ARHGEF7: variants seen among roughly 807,000 people sequenced by gnomAD.
ARHGEF7 encodes the protein Rho guanine nucleotide exchange factor 7.
In ARHGEF7, 33 loss-of-function variants were observed where a neutral mutation model predicts 109.8. The ratio of observed to expected loss-of-function variants is 0.30; its 90% CI spans 0.23 to 0.40. The LOEUF is 0.40. ARHGEF7 is among the 10% of genes least tolerant of loss of function. The pLI, the probability that ARHGEF7 is intolerant of heterozygous loss-of-function variation, is 1.00. For synonymous variants in ARHGEF7, 458 were observed against 424.6 expected, an observed-to-expected ratio of 1.08 and a Z score of -0.97; for missense variants, 938 against 1,098.5, an observed-to-expected ratio of 0.85 and a Z score of 2.07.
At chr13:111,138,139 C>T (rs1341046700) in intron 1 of ARHGEF7, among the ~76,000 whole-genome samples, 4 of 152,030 alleles carry the variant, frequency 2.6e-5, no homozygotes, top group African/African-American at 7.3e-5. Context: ...CATGGAGAAA[C>T]CCCATCTCTA....
chr13:111,167,710 T>C (rs2077240494), intron 2 of ARHGEF7, among the ~76,000 whole-genome samples: 1 of 152,212 alleles, frequency 6.6e-6, no homozygotes, highest in Admixed American at 6.5e-5. Context: ...CTCTCCCTCC[T>C]AAATACCCTA....
At chr13:111,230,518 C>T (rs553909781) in intron 5 of ARHGEF7, among the ~76,000 whole-genome samples, 229 of 152,318 alleles carry the variant, frequency 1.5e-3, no homozygotes, top group Non-Finnish European at 2.9e-3. Context: ...TTTCTTCTGG[C>T]GTGACCGCCC....
intron 2 of ARHGEF7, among the ~76,000 whole-genome samples, chr13:111,187,788 T>G (rs1448656381): frequency 6.6e-6 from 1 of 152,238 alleles, no homozygotes; most frequent in East Asian, 1.9e-4. Context: ...AGTGTCCTTC[T>G]GTGACCCGTT....
At chr13:111,126,381 T>C (rs375571764) in intron 1 of ARHGEF7, among the ~76,000 whole-genome samples, 15 of 151,978 alleles carry the variant, frequency 9.9e-5, no homozygotes, top group East Asian at 9.7e-4. Context: ...TCCCAGCTAC[T>C]TGGGAGGCTG....
In ARHGEF7 at chr13:111,223,150, T is replaced by TG. The variant is rs545173868; in HGVS notation, c.670+5273dup. On this transcript the variant is annotated intron_variant, in intron 5 of 21. Transcript: ENST00000646102. ...TTCAGACATCCAGTGGGCAGTCTTG[T>TG]GGGTACCCCCGTGGATAAGGGTGGG... Among the ~76,000 whole-genome samples, 330 of 152,364 alleles carry TG rather than the reference T, an allele frequency of 2.2e-3. 1 individual carries two copies. Among genetic ancestry groups the TG allele is most frequent in the African/African-American group, 7.7e-3 (322 of 41,592 alleles).
chr13:111,260,978 A>G (rs1284015657), intron 8 of ARHGEF7, among the ~76,000 whole-genome samples: 1 of 152,212 alleles, frequency 6.6e-6, no homozygotes, highest in African/African-American at 2.4e-5. Flanking sequence ...AAATTAAGAA[A>G]CATACAATAG....
chr13:111,154,005 G>T lies in ARHGEF7; in HGVS notation c.252+14G>T, dbSNP rs375440944. 3 of 1,593,628 alleles carry T rather than the reference G, an allele frequency of 1.9e-6. No homozygotes were observed. Among genetic ancestry groups the T allele is most frequent in the East Asian group, 2.3e-5 (1 of 42,894 alleles). On this transcript the variant is annotated intron_variant, in intron 2 of 21. Transcript: ENST00000646102. ...CTGCGGCTGGAGGTGAGCGCGGGCG[G>T]CCACGGGCCGAGGGAGGGGCCGGGA...
chr13:111,292,088 C>T lies in ARHGEF7; in HGVS notation c.2135-30C>T, dbSNP rs183747147. 3.4e-4 allele frequency: 540 copies of T among 1,599,418 alleles called. 4 individuals are homozygous for T. In the African/African-American group the frequency reaches 6.0e-3, roughly 18 times the overall value. On this transcript the variant is annotated intron_variant, in intron 18 of 21. Coordinates refer to ENST00000646102, the MANE Select transcript of ARHGEF7 (RefSeq NM_001354046.2). ...GTTCTCCTCCTCACCCCCTGCCTGT[C>T]GCGCCTGTCCCTCCGCCCGCCCGTC...
At chr13:111,126,216 C>T (rs528110811) in intron 1 of ARHGEF7, among the ~76,000 whole-genome samples, 68 of 152,312 alleles carry the variant, frequency 4.5e-4, no homozygotes, top group African/African-American at 1.6e-3. Context: ...TAAGGCTGGG[C>T]GCGGTGGCTC....
intron 5 of ARHGEF7, among the ~76,000 whole-genome samples, chr13:111,230,163 C>T (rs1349027219): frequency 1.3e-5 from 2 of 152,004 alleles, no homozygotes; most frequent in Admixed American, 6.6e-5. Flanking sequence ...CAGCATTTTT[C>T]GAGTTTATTT....
intron 4 of ARHGEF7, among the ~76,000 whole-genome samples, chr13:111,210,285 C>T (rs1254493855): frequency 6.6e-6 from 1 of 152,186 alleles, no homozygotes; most frequent in Non-Finnish European, 1.5e-5. Context: ...AAAAAACACA[C>T]CCCTTGTCAT....
At chr13:111,250,960 G>C (rs1486182251) in intron 8 of ARHGEF7, among the ~76,000 whole-genome samples, 1 of 152,196 alleles carries the variant, frequency 6.6e-6, no homozygotes, top group African/African-American at 2.4e-5. Context: ...GTCCTTGGTG[G>C]TTTCTAATGT....
rs2075281673 is a variant in ARHGEF7, at chr13:111,140,140, T to C, written c.166-13765T>C. 2.0e-5 allele frequency among the ~76,000 whole-genome samples: 3 copies of C among 152,200 alleles called. No individual in the cohort carries two copies. The South Asian group carries it at 6.2e-4, about 32-fold the overall frequency. ...TTTATTAGAGTGTCACAGGCACAGG[T>C]CCTTCGTTCATTAATTCACAAATAA... On this transcript the variant is annotated intron_variant, in intron 1 of 21. Coordinates refer to ENST00000646102, the MANE Select transcript of ARHGEF7 (RefSeq NM_001354046.2).
chr13:111,119,741 G>C (rs2067050096), intron 1 of ARHGEF7, among the ~76,000 whole-genome samples: 1 of 152,160 alleles, frequency 6.6e-6, no homozygotes, highest in African/African-American at 2.4e-5. Flanking sequence ...CTTTTTTCTA[G>C]GTAAACTGGA....
intron 5 of ARHGEF7, among the ~76,000 whole-genome samples, chr13:111,223,346 A>G (rs991496823): frequency 2.6e-5 from 4 of 152,220 alleles, no homozygotes; most frequent in African/African-American, 9.6e-5. Context: ...TCTGACCATC[A>G]TGTTAGGATC....
chr13:111,154,880 C>G (rs938204345), intron 2 of ARHGEF7, among the ~76,000 whole-genome samples: 7 of 152,026 alleles, frequency 4.6e-5, no homozygotes, highest in Non-Finnish European at 8.8e-5. Flanking sequence ...GTTTTCTTAT[C>G]TGTAAACTGA....
chr13:111,279,770 G>C (rs986971975), intron 13 of ARHGEF7, among the ~76,000 whole-genome samples: 1 of 152,208 alleles, frequency 6.6e-6, no homozygotes, highest in African/African-American at 2.4e-5. Context: ...GCAGCATTTA[G>C]CACAACTACT....
At chr13:111,169,107 G>A (rs2077369187) in intron 2 of ARHGEF7, among the ~76,000 whole-genome samples, 1 of 152,230 alleles carries the variant, frequency 6.6e-6, no homozygotes, top group African/African-American at 2.4e-5. Context: ...CTGTGGGGTT[G>A]TGCCAGGCAG....
chr13:111,193,446 C>T (rs548227855), intron 2 of ARHGEF7, among the ~76,000 whole-genome samples: 29 of 152,376 alleles, frequency 1.9e-4, no homozygotes, highest in African/African-American at 6.7e-4. Flanking sequence ...AGACTGCCAC[C>T]TCCTTGGGTT....
Sources: allele counts gnomAD v4.1 joint callset (sites outside exome capture counted in the v4.1 genomes callset), GRCh38; gene constraint gnomAD v4.1.1; transcripts MANE v1.5; gene names NCBI Gene and HGNC (gene_info 2026-07-23, HGNC 2026-07-21).